The following PTPRD variants were observed in gnomAD, a reference collection of about 807,000 sequenced individuals.
PTPRD encodes the protein receptor-type tyrosine-protein phosphatase delta.
PTPRD carries 34 observed loss-of-function variants against 214.5 expected under a neutral mutation model. That is an observed-to-expected ratio of 0.16 (90% CI 0.12 to 0.21). The LOEUF is 0.21. Among genes scored for constraint, PTPRD ranks in the 10% least tolerant of loss-of-function variants. PTPRD has a pLI of 1.00. For synonymous variants in PTPRD, 1,128 were observed against 845.7 expected (o/e 1.33, Z -5.79); for missense variants, 2,545 against 2,398.7 (o/e 1.06, Z -1.27).
At chr9:9,430,030 T>C (rs1026709523) in intron 8 of PTPRD, among the ~76,000 whole-genome samples, 1 of 152,106 alleles carries the variant, frequency 6.6e-6, no homozygotes, top group Non-Finnish European at 1.5e-5. Context: ...CTATTCAACA[T>C]AGTGTTGGAA....
intron 3 of PTPRD, among the ~76,000 whole-genome samples, chr9:10,087,183 T>C (rs1321597551): frequency 6.6e-6 from 1 of 151,190 alleles, no homozygotes; most frequent in African/African-American, 2.4e-5. Context: ...ATATGTATAA[T>C]AAAGACTTCG....
At chr9:9,500,711 T>A (rs1382040538) in intron 8 of PTPRD, among the ~76,000 whole-genome samples, 1 of 152,064 alleles carries the variant, frequency 6.6e-6, no homozygotes, top group African/African-American at 2.4e-5. Context: ...AGACTGGAGA[T>A]AATAAATATG....
chr9:9,804,378 C>G (rs907296688), intron 5 of PTPRD, among the ~76,000 whole-genome samples: 2 of 152,064 alleles, frequency 1.3e-5, no homozygotes, highest in African/African-American at 2.4e-5. Flanking sequence ...TATCAGCACA[C>G]AGGAAACTAA....
intron 8 of PTPRD, among the ~76,000 whole-genome samples, chr9:9,460,146 A>G (rs986145803): frequency 2.6e-5 from 4 of 152,026 alleles, no homozygotes; most frequent in Admixed American, 2.6e-4. Flanking sequence ...TAGCTATATG[A>G]AGAAAAGTGA....
At chr9:9,401,473 G>A (rs554422277) in intron 8 of PTPRD, among the ~76,000 whole-genome samples, 21 of 152,132 alleles carry the variant, frequency 1.4e-4, no homozygotes, top group East Asian at 1.2e-3. Flanking sequence ...GAATGGTAAC[G>A]GGGAAAGGAA....
intron 12 of PTPRD, among the ~76,000 whole-genome samples, chr9:8,722,982 A>C (rs893387582): frequency 6.6e-6 from 1 of 152,162 alleles, no homozygotes; most frequent in African/African-American, 2.4e-5. Context: ...TCAATGCACT[A>C]TTTGTGGAAA....
chr9:9,823,934 T>G (rs999388966), intron 5 of PTPRD, among the ~76,000 whole-genome samples: 5 of 152,122 alleles, frequency 3.3e-5, no homozygotes, highest in African/African-American at 9.6e-5. Flanking sequence ...TATGTTGATT[T>G]GATCATTACA....
At position 9,126,675 on chromosome 9, in the gene PTPRD, G is replaced by A. The variant is rs540039768; in HGVS notation, c.-143+56629C>T. Reference sequence around the variant, plus strand: ...ATCACTGAGTGATGGTAGTTGTAGTGGTAGTAAGGTAAATCAGGAAATAAT... The same window carrying A: ...ATCACTGAGTGATGGTAGTTGTAGTAGTAGTAAGGTAAATCAGGAAATAAT... On this transcript the variant is annotated intron_variant, in intron 10 of 45. Transcript: ENST00000381196. Among the ~76,000 whole-genome samples the A allele has an allele frequency of 3.3e-5, 5 of 152,260 alleles. No individual in the cohort carries two copies. The South Asian group carries it at 1.0e-3, about 32-fold the overall frequency.
At chr9:8,982,599 A>G (rs746417766) in intron 11 of PTPRD, among the ~76,000 whole-genome samples, 1 of 151,570 alleles carries the variant, frequency 6.6e-6, no homozygotes, top group African/African-American at 2.4e-5. Flanking sequence ...AAAAAAAAAT[A>G]AAAAACTCCA....
intron 5 of PTPRD, among the ~76,000 whole-genome samples, chr9:9,781,794 C>CCT (rs1565214530): frequency 9.1e-6 from 1 of 110,292 alleles, no homozygotes; most frequent in African/African-American, 4.3e-5. Flanking sequence ...TGTCTGGACT[C>CCT]ATATTTTTTT....
At chr9:8,967,492 T>TA in intron 11 of PTPRD, among the ~76,000 whole-genome samples, 1 of 151,902 alleles carries the variant, frequency 6.6e-6, no homozygotes. Flanking sequence ...TACATAGCCA[T>TA]AAAAAAATAA....
At chr9:10,446,236 T>C (rs1196984131) in intron 2 of PTPRD, among the ~76,000 whole-genome samples, 1 of 151,852 alleles carries the variant, frequency 6.6e-6, no homozygotes, top group Admixed American at 6.6e-5. Flanking sequence ...GACTTAATAA[T>C]ATGTTTTTAA....
intron 35 of PTPRD, among the ~76,000 whole-genome samples, chr9:8,415,346 A>T (rs1267860595): frequency 6.6e-6 from 1 of 152,216 alleles, no homozygotes; most frequent in Non-Finnish European, 1.5e-5. Context: ...GCAGTACATA[A>T]GCTGGCTGGA....
intron 3 of PTPRD, among the ~76,000 whole-genome samples, chr9:10,154,769 C>T (rs1160757026): frequency 1.3e-5 from 2 of 151,628 alleles, no homozygotes; most frequent in African/African-American, 2.4e-5. Flanking sequence ...GCAGGGTGGC[C>T]TATTTCTAGG....
At chr9:9,147,529 A>T (rs2099870722) in intron 10 of PTPRD, among the ~76,000 whole-genome samples, 1 of 152,168 alleles carries the variant, frequency 6.6e-6, no homozygotes, top group South Asian at 2.1e-4. Flanking sequence ...AAAAGTGATT[A>T]AAAAATAATA....
intron 4 of PTPRD, among the ~76,000 whole-genome samples, chr9:9,942,781 A>C (rs1461947475): frequency 6.6e-6 from 1 of 152,150 alleles, no homozygotes; most frequent in South Asian, 2.1e-4. Flanking sequence ...GAAATTTGTT[A>C]ATAGCTTTGC....
intron 8 of PTPRD, among the ~76,000 whole-genome samples, chr9:9,528,926 CTTTG>C (rs1246977217): frequency 2.7e-5 from 4 of 146,172 alleles, no homozygotes; most frequent in African/African-American, 7.7e-5. Context: ...CAGTTTCTTT[CTTTG>C]TTTGTTTCTT....
chr9:8,904,516 A>C (rs1304668266), intron 11 of PTPRD, among the ~76,000 whole-genome samples: 1 of 152,056 alleles, frequency 6.6e-6, no homozygotes, highest in Admixed American at 6.6e-5. Flanking sequence ...TACTAAAAAC[A>C]CAAAAATTAG....
At chr9:8,335,549 A>C (rs557083895) in intron 43 of PTPRD, among the ~76,000 whole-genome samples, 2 of 152,340 alleles carry the variant, frequency 1.3e-5, no homozygotes, top group South Asian at 4.1e-4. Context: ...ACGAATGGGC[A>C]AAAACTGGAA....
Sources: gnomAD v4.1 joint callset for allele counts (sites outside exome capture counted in the v4.1 genomes callset) on GRCh38, gnomAD v4.1.1 for gene constraint, MANE v1.5 for transcripts, NCBI Gene and HGNC (gene_info 2026-07-23, HGNC 2026-07-21) for gene names.